Variants in ANKRD30A observed in about 807,000 individuals in gnomAD.
ANKRD30A encodes ankyrin repeat domain 30A, also known as ankyrin repeat domain-containing protein 30A.
ANKRD30A carries 170 observed loss-of-function variants against 166.3 expected under a neutral mutation model. The ratio of observed to expected loss-of-function variants is 1.02; its 90% confidence interval spans 0.90 to 1.16. The LOEUF is 1.16. Among genes scored for constraint, ANKRD30A ranks in the 50% most tolerant of loss-of-function variants. The pLI, the probability that ANKRD30A is intolerant of heterozygous loss-of-function variation, is 0.00. For missense variants in ANKRD30A, 1,630 were observed against 1,518.0 expected, an observed-to-expected ratio of 1.07 and a Z score of -1.23; for synonymous variants, 564 against 508.9, an observed-to-expected ratio of 1.11 and a Z score of -1.46.
Position 37,219,347 on chromosome 10 carries a change from T to A in ANKRD30A, c.3635T>A (p.Ile1212Asn), listed in dbSNP as rs1372889334. The change falls in exon 34 of 36, where the codon ATT becomes AAT. Residue 1212 changes from isoleucine to asparagine, a missense_variant. Ile to Asn is a moderately radical substitution (Grantham distance 149). This residue lies in a region of ANKRD30A where 712 missense variants were observed against 629.3 expected (regional missense o/e 1.13). Transcript: ENST00000361713. ...TCTGCTGTACAAGACCATGATCAAATTGTGACATCAAGAAAAAGTCAAGAA... is the reference window on the plus strand; with the variant it reads ...TCTGCTGTACAAGACCATGATCAAAATGTGACATCAAGAAAAAGTCAAGAA... ...LASAVQDHDQIVTSRKSQEPA... is the reference protein window; with the variant it reads ...LASAVQDHDQNVTSRKSQEPA... The A allele has an allele frequency of 1.2e-6, 2 of 1,610,150 alleles. No individual in the cohort carries two copies. The highest frequency in any genetic ancestry group is 1.7e-5 in the Admixed American group (1 of 59,616).
In ANKRD30A at chr10:37,216,280, A is replaced by C; in HGVS notation, c.2969A>C (p.Glu990Ala). 6.2e-7 allele frequency: 1 copy of C among 1,608,820 alleles called. No homozygotes were observed. The highest frequency in any genetic ancestry group is 8.5e-7 in the Non-Finnish European group (1 of 1,176,448). Residue 990 changes from glutamate to alanine, a missense_variant, in exon 32 of 36, where the codon GAA (glutamate) becomes GCA (alanine). By Grantham distance (107) the Glu-to-Ala change is moderately radical. Around this residue, in one of 4 missense-constraint regions of ANKRD30A, gnomAD observed 712 missense variants for 629.3 expected, o/e 1.13. Transcript: ENST00000361713. ...TGTGAACAACGTACAGGAAAAATGG[A>C]ACAAATGAAAAAGAAGTTTTGTGTA... ...DHCEQRTGKM[E>A]QMKKKFCVLK... is the part of the protein sequence containing the mutation.
the ANKRD30A span, among the ~76,000 whole-genome samples, chr10:37,248,540 A>G: frequency 2.0e-5 from 3 of 152,148 alleles, no homozygotes; most frequent in South Asian, 6.2e-4. Context: ...TCCAAGTTCA[A>G]GATCCGCTGT....
At chr10:37,154,576 T>C (rs1317325834) in intron 13 of ANKRD30A, among the ~76,000 whole-genome samples, 1 of 152,064 alleles carries the variant, frequency 6.6e-6, no homozygotes, top group African/African-American at 2.4e-5. Context: ...AAATTATAGA[T>C]GGAAGATACT....
chr10:37,215,363 A>T (rs1279397839), intron 31 of ANKRD30A, among the ~76,000 whole-genome samples: 2 of 151,144 alleles, frequency 1.3e-5, no homozygotes, highest in Non-Finnish European at 3.0e-5. Flanking sequence ...TAGTTTTCTG[A>T]CTCACATGCA....
chr10:37,200,807 C>G (rs1841564078), intron 30 of ANKRD30A, among the ~76,000 whole-genome samples: 1 of 152,052 alleles, frequency 6.6e-6, no homozygotes, highest in Non-Finnish European at 1.5e-5. Flanking sequence ...TCATTTTTAA[C>G]ATTAGACAAT....
At chr10:37,241,943 C>CT in the ANKRD30A span, 1 of 152,068 alleles carries the variant, frequency 6.6e-6, no homozygotes, top group Non-Finnish European at 1.5e-5. Flanking sequence ...TTCTGATTTC[C>CT]TTAGTGGGTA....
intron 1 of ANKRD30A, 56 bp downstream of exon 1, chr10:37,126,064 T>A: frequency 6.6e-7 from 1 of 1,509,778 alleles, no homozygotes; most frequent in Non-Finnish European, 9.2e-7. Context: ...GGTGGGAGGA[T>A]CGCCCCTTCA....
At position 37,219,620 on chromosome 10, in the gene ANKRD30A, A is replaced by C; in HGVS notation, c.3908A>C (p.Gln1303Pro). Residue 1303 changes from glutamine (Q) to proline (P), a missense_variant, in exon 34 of 36, where the codon CAA becomes CCA. Transcript: ENST00000361713. ...ATGAAGGAAGCTGAACACATGTATC[A>C]AAACGAACAAGATAATGTGAACAAA... ...CQMKEAEHMY[Q>P]NEQDNVNKHT... The C allele has an allele frequency of 4.3e-6, 7 of 1,610,284 alleles. No homozygotes were observed. The highest frequency in any genetic ancestry group is 5.9e-6 in the Non-Finnish European group (7 of 1,177,652).
chr10:37,243,074 T>C, the ANKRD30A span, among the ~76,000 whole-genome samples: 4 of 152,150 alleles, frequency 2.6e-5, no homozygotes, highest in Non-Finnish European at 5.9e-5. Context: ...TATTTTTGTT[T>C]GCTATTTCTA....
At chr10:37,256,348 TG>T in the ANKRD30A span, among the ~76,000 whole-genome samples, 1 of 152,152 alleles carries the variant, frequency 6.6e-6, no homozygotes, top group East Asian at 1.9e-4. Context: ...CCTCAAACTC[TG>T]GGGCTCAAGC....
chr10:37,201,169 A>C (rs1841593640), intron 30 of ANKRD30A, 66 bp from the exon 31 acceptor site: 3 of 1,292,350 alleles, frequency 2.3e-6, no homozygotes, highest in South Asian at 2.8e-5. Flanking sequence ...TTAATTAGGA[A>C]ATTTTGATAA....
intron 34 of ANKRD30A, 120 bp downstream of exon 34, chr10:37,220,017 A>AT (rs1406637781): frequency 6.5e-6 from 1 of 153,666 alleles, no homozygotes; most frequent in Non-Finnish European, 1.2e-5. Context: ...ATATATATAT[A>AT]TATATATATA....
At chr10:37,178,785 C>T (rs1428977018) in intron 24 of ANKRD30A, among the ~76,000 whole-genome samples, 19 of 37,528 alleles carry the variant, frequency 5.1e-4, no homozygotes, top group African/African-American at 2.7e-3. Context: ...TTTGCTAAAG[C>T]AGAGAGATTG....
At chr10:37,127,627 G>A (rs1588734729) in intron 1 of ANKRD30A, among the ~76,000 whole-genome samples, 1 of 152,042 alleles carries the variant, frequency 6.6e-6, no homozygotes, top group African/African-American at 2.4e-5. Context: ...GATCTAAATT[G>A]CAGATCTAAA....
intron 34 of ANKRD30A, among the ~76,000 whole-genome samples, chr10:37,223,225 C>A (rs898450970): frequency 1.3e-5 from 2 of 150,736 alleles, no homozygotes; most frequent in Non-Finnish European, 3.0e-5. Context: ...GGCATTACGT[C>A]TTGATAAACC....
rs545752049 is a variant in ANKRD30A, at chr10:37,193,180, A to G, written c.2542-6A>G. The stretch of plus-strand genomic sequence containing the variant: ...TATTAATTGTTTTGTTTCTAAACCC[A>G]TTTAGGCTCCCTGCAGAATGAAAGT... On this transcript the variant is annotated splice_region_variant and splice_polypyrimidine_tract_variant and intron_variant, in intron 26 of 35. Transcript: ENST00000361713. 2.5e-6 allele frequency: 4 copies of G among 1,611,958 alleles called. No homozygotes were observed. The East Asian group carries it at 9.0e-5, about 36-fold the overall frequency.
intron 31 of ANKRD30A, among the ~76,000 whole-genome samples, chr10:37,206,514 G>T (rs888483699): frequency 6.6e-6 from 1 of 152,144 alleles, no homozygotes; most frequent in Non-Finnish European, 1.5e-5. Flanking sequence ...AGAAGGCTGG[G>T]CCCGGTGGCT....
intron 8 of ANKRD30A, 109 bp from the exon 9 acceptor site, chr10:37,147,261 A>G: frequency 1.2e-6 from 1 of 844,194 alleles, no homozygotes; most frequent in Middle Eastern, 3.0e-4. Flanking sequence ...CTATCCTCAA[A>G]TCAAATTGCC....
At chr10:37,264,178 A>C in the ANKRD30A span, among the ~76,000 whole-genome samples, 7 of 152,178 alleles carry the variant, frequency 4.6e-5, no homozygotes, top group African/African-American at 1.7e-4. Context: ...CCACTCTCTC[A>C]CCAGATTAAT....
Sources: gnomAD v4.1 joint callset for allele counts (sites outside exome capture counted in the v4.1 genomes callset) on GRCh38, gnomAD v4.1.1 for gene constraint, gnomAD v4.1.1 regional missense constraint, MANE v1.5 for transcripts, NCBI Gene and HGNC (gene_info 2026-07-23, HGNC 2026-07-21) for gene names.